The following SIPA1L1 variants were observed in gnomAD, a reference collection of about 807,000 sequenced individuals.
SIPA1L1 encodes signal induced proliferation associated 1 like 1, also known as signal-induced proliferation-associated 1-like protein 1.
A neutral mutation model predicts 162.7 loss-of-function variants in SIPA1L1; 26 were observed. The ratio of observed to expected loss-of-function variants is 0.16; its 90% CI spans 0.12 to 0.22. SIPA1L1 has a LOEUF of 0.22. Ranked by LOEUF, SIPA1L1 falls within the 10% of genes least tolerant of loss-of-function variation. The probability of loss-of-function intolerance (pLI) is 1.00; values close to 1 mark genes in which losing one functional copy is unlikely to be tolerated. For missense variants in SIPA1L1, 1,874 were observed against 2,241.0 expected (o/e 0.84, Z 3.31); for synonymous variants, 829 against 837.4 (o/e 0.99, Z 0.17).
intron 2 of SIPA1L1, among the ~76,000 whole-genome samples, chr14:71,356,926 G>C (rs958088353): frequency 6.6e-6 from 1 of 151,916 alleles, no homozygotes; most frequent in African/African-American, 2.4e-5. Context: ...TCTGATCAGA[G>C]AGAGTTGAGA....
At chr14:71,432,814 C>T (rs1444312874) in intron 2 of SIPA1L1, among the ~76,000 whole-genome samples, 2 of 152,186 alleles carry the variant, frequency 1.3e-5, no homozygotes, top group African/African-American at 4.8e-5. Flanking sequence ...CTGAATAAAT[C>T]CTTTTCACAT....
At chr14:71,672,154 C>A (rs138873961) in intron 11 of SIPA1L1, among the ~76,000 whole-genome samples, 194 bp from the exon 12 acceptor site, 209 of 152,248 alleles carry the variant, frequency 1.4e-3, no homozygotes, top group Non-Finnish European at 2.5e-3. Context: ...AGCCGTTGAG[C>A]TTTTTGGATG....
intron 17 of SIPA1L1, among the ~76,000 whole-genome samples, chr14:71,722,566 C>T (rs2083842738): frequency 1.3e-5 from 2 of 152,136 alleles, no homozygotes; most frequent in Non-Finnish European, 2.9e-5. Context: ...TCCTGTGAGA[C>T]CACTGGGCAG....
chr14:71,508,647 A>T (rs927966269), intron 2 of SIPA1L1, among the ~76,000 whole-genome samples: 2 of 152,206 alleles, frequency 1.3e-5, no homozygotes, highest in Admixed American at 6.5e-5. Flanking sequence ...TTCCGAACAA[A>T]TATGTTTTAA....
At chr14:71,730,515 C>G (rs1415849442) in intron 20 of SIPA1L1, among the ~76,000 whole-genome samples, 1 of 152,188 alleles carries the variant, frequency 6.6e-6, no homozygotes, top group African/African-American at 2.4e-5. Flanking sequence ...GATTCCCACA[C>G]TGGACCCAAG....
chr14:71,524,450 A>G (rs2052664126), intron 3 of SIPA1L1, among the ~76,000 whole-genome samples: 1 of 152,232 alleles, frequency 6.6e-6, no homozygotes, highest in South Asian at 2.1e-4. Context: ...CCATGGTTCT[A>G]AATGTCAAAA....
chr14:71,544,266 TGTGTATATA>T (rs1214329803), intron 4 of SIPA1L1, among the ~76,000 whole-genome samples: 13 of 107,146 alleles, frequency 1.2e-4, no homozygotes, highest in Admixed American at 2.8e-4. Flanking sequence ...ACACATGATA[TGTGTATATA>T]CATATGTGTA....
chr14:71,619,787 G>C (rs774470838), intron 6 of SIPA1L1, among the ~76,000 whole-genome samples: 1 of 152,142 alleles, frequency 6.6e-6, no homozygotes, highest in Non-Finnish European at 1.5e-5. Flanking sequence ...CAAGTTTCCG[G>C]GGTTGGCATC....
intron 2 of SIPA1L1, among the ~76,000 whole-genome samples, chr14:71,466,841 G>A (rs1000374724): frequency 3.3e-5 from 5 of 152,036 alleles, no homozygotes; most frequent in Non-Finnish European, 7.4e-5. Flanking sequence ...CAATGTAATG[G>A]CATTAGTTAC....
In SIPA1L1 at chr14:71,672,364, G is replaced by A; in HGVS notation, c.2846G>A (p.Cys949Tyr). The change falls in exon 12 of 24, where the codon TGT (cysteine) becomes TAT (tyrosine). Residue 949 changes from cysteine to tyrosine, a missense_variant. Transcript: ENST00000381232. ...CTTGTCTAGTTTGTTTCAAAAGGCTGTGAATCGGTGGAGATGACTCTGCGA... is the reference window on the plus strand; with the variant it reads ...CTTGTCTAGTTTGTTTCAAAAGGCTATGAATCGGTGGAGATGACTCTGCGA... ...VKRLQFVSKGCESVEMTLRRN... is the reference protein window; with the variant it reads ...VKRLQFVSKGYESVEMTLRRN... The A allele has an allele frequency of 6.2e-7, 1 of 1,614,188 alleles. No homozygotes were observed.
In SIPA1L1 at chr14:71,738,497, C is replaced by T. The variant is rs117914791; in HGVS notation, c.5208+172C>T. ...CACTGGAACACACAGCATGAGGAGG[C>T]GTTCGGTGTCCGGTGTACAGAAAAA... On this transcript the variant is annotated intron_variant, in intron 23 of 23. Coordinates refer to ENST00000381232, the MANE Select transcript of SIPA1L1 (RefSeq NM_001386936.1). Among the ~76,000 whole-genome samples the T allele has an allele frequency of 0.015, 2,341 of 152,208 alleles. 27 individuals are homozygous for T. The highest frequency in any genetic ancestry group is 0.046 in the South Asian group (223 of 4,812).
Position 71,730,132 on chromosome 14 carries a change from G to T in SIPA1L1, c.4692G>T (p.Ser1564=). ...GGCGGGCCTTGCACAGAACACTGTC[G>T]GACGAGAGCATTTACAATAGCCAGA... is the stretch of plus-strand genomic sequence containing the variant. ...TSRRALHRTL[S]DESIYNSQRE... is the part of the protein sequence containing the mutation. The change falls in exon 20 of 24, where the codon TCG becomes TCT. Residue 1564 remains serine, a synonymous_variant. Transcript: ENST00000381232. 13 of 1,614,080 alleles carry T rather than the reference G, an allele frequency of 8.1e-6. No homozygotes were observed. Among genetic ancestry groups the T allele is most frequent in the Non-Finnish European group, 1.1e-5 (13 of 1,180,002 alleles).
intron 20 of SIPA1L1, among the ~76,000 whole-genome samples, chr14:71,730,977 C>CA (rs2084712639): frequency 6.6e-6 from 1 of 152,096 alleles, no homozygotes; most frequent in Non-Finnish European, 1.5e-5. Context: ...CAGGGCTCTA[C>CA]ACCTCCCCTC....
intron 2 of SIPA1L1, among the ~76,000 whole-genome samples, chr14:71,352,937 C>T (rs2036864332): frequency 6.6e-6 from 1 of 152,158 alleles, no homozygotes; most frequent in Non-Finnish European, 1.5e-5. Flanking sequence ...CATTTAAGCA[C>T]CTTTTCATAT....
intron 2 of SIPA1L1, among the ~76,000 whole-genome samples, chr14:71,366,801 A>G (rs956265740): frequency 1.3e-5 from 2 of 152,214 alleles, no homozygotes; most frequent in African/African-American, 4.8e-5. Flanking sequence ...TGTAATTTCT[A>G]AAGCTTATTG....
At position 71,528,346 on chromosome 14, in the gene SIPA1L1, G is replaced by A. The variant is rs571479523; in HGVS notation, c.-361-966G>A. 7.8e-4 allele frequency among the ~76,000 whole-genome samples: 118 copies of A among 152,208 alleles called. 1 individual carries two copies. The highest frequency in any genetic ancestry group is 2.7e-3 in the African/African-American group (111 of 41,538). On this transcript the variant is annotated intron_variant, in intron 3 of 23. Transcript: ENST00000381232. Reference sequence around the variant, plus strand: ...GTAGTGAGTAGACTACATGATTTTTGAGGTCTGTTTAATAATTCTATTTTT... The same window carrying A: ...GTAGTGAGTAGACTACATGATTTTTAAGGTCTGTTTAATAATTCTATTTTT...
intron 5 of SIPA1L1, among the ~76,000 whole-genome samples, chr14:71,602,144 G>C (rs2036846004): frequency 6.6e-6 from 1 of 151,788 alleles, no homozygotes; most frequent in Non-Finnish European, 1.5e-5. Flanking sequence ...GTTTCTTGAG[G>C]TACACCATTA....
chr14:71,348,139 C>A (rs2036347509), intron 2 of SIPA1L1, among the ~76,000 whole-genome samples: 1 of 152,096 alleles, frequency 6.6e-6, no homozygotes, highest in African/African-American at 2.4e-5. Flanking sequence ...ATCAAGTATG[C>A]AAACTGTAAA....
chr14:71,390,384 G>T (rs150716332), intron 2 of SIPA1L1, among the ~76,000 whole-genome samples: 11 of 152,230 alleles, frequency 7.2e-5, no homozygotes, highest in African/African-American at 2.4e-4. Flanking sequence ...CCATACTCTT[G>T]TATCGTGTTT....
Sources: allele counts gnomAD v4.1 joint callset (sites outside exome capture counted in the v4.1 genomes callset), GRCh38; gene constraint gnomAD v4.1.1; transcripts MANE v1.5; gene names NCBI Gene and HGNC (gene_info 2026-07-23, HGNC 2026-07-21).